WWOX: variants seen among roughly 807,000 people sequenced by gnomAD.
WWOX encodes the protein WW domain-containing oxidoreductase.
In WWOX, 69 loss-of-function variants were observed where a neutral mutation model predicts 46.2. The ratio of observed to expected loss-of-function variants is 1.49; its 90% CI spans 1.23 to 1.82. The LOEUF (loss-of-function observed/expected upper bound fraction) is 1.82, where lower values mean the gene tolerates loss of function less well. Among genes scored for constraint, WWOX ranks in the 40% most tolerant of loss-of-function variants. WWOX has a pLI of 0.00. For synonymous variants in WWOX, 359 were observed against 202.6 expected, an observed-to-expected ratio of 1.77 and a Z score of -6.56; for missense variants, 919 against 542.6, an observed-to-expected ratio of 1.69 and a Z score of -6.89.
At chr16:78,843,149 T>A (rs2052206253) in intron 8 of WWOX, among the ~76,000 whole-genome samples, 2 of 150,034 alleles carry the variant, frequency 1.3e-5, no homozygotes, top group Non-Finnish European at 3.0e-5. Flanking sequence ...CAATGGAGTG[T>A]GTTACTTTAT....
chr16:78,964,531 C>T (rs1398730168), intron 8 of WWOX, among the ~76,000 whole-genome samples: 1 of 152,120 alleles, frequency 6.6e-6, no homozygotes. Context: ...GACTTGGGTG[C>T]TGTTAAAGGC....
Position 78,710,753 on chromosome 16 carries a change from C to T in WWOX, c.1056+278001C>T, listed in dbSNP as rs185026575. Among the ~76,000 whole-genome samples, 36 of 150,894 alleles carry T rather than the reference C, an allele frequency of 2.4e-4. No homozygotes were observed. The East Asian group carries it at 5.1e-3, about 21-fold the overall frequency. The stretch of plus-strand genomic sequence containing the variant: ...TCTTAGCCTCCTGAGTGGCTGGGAC[C>T]GCAGGTTCATGCTACCGTGCCCAGC... On this transcript the variant is annotated intron_variant, in intron 8 of 8. Coordinates refer to ENST00000566780, the MANE Select transcript of WWOX (RefSeq NM_016373.4).
At chr16:78,107,307 G>A (rs2032208440) in intron 1 of WWOX, among the ~76,000 whole-genome samples, 1 of 152,152 alleles carries the variant, frequency 6.6e-6, no homozygotes, top group Admixed American at 6.5e-5. Context: ...ATTGACCTAT[G>A]TTTTTAATTA....
chr16:78,972,981 A>G (rs1282483466), intron 8 of WWOX, among the ~76,000 whole-genome samples: 3 of 152,196 alleles, frequency 2.0e-5, no homozygotes, highest in African/African-American at 7.2e-5. Flanking sequence ...TAATTGATTC[A>G]TAAGATCCCT....
intron 8 of WWOX, among the ~76,000 whole-genome samples, chr16:79,137,990 G>A (rs1483144940): frequency 2.6e-5 from 4 of 152,102 alleles, no homozygotes; most frequent in East Asian, 3.8e-4. Flanking sequence ...AGATAGACCC[G>A]TTTACATTCC....
intron 8 of WWOX, among the ~76,000 whole-genome samples, chr16:78,744,574 G>C (rs1045924482): frequency 6.6e-6 from 1 of 151,820 alleles, no homozygotes; most frequent in Admixed American, 6.6e-5. Context: ...TGGGATTACA[G>C]GCACCTGCCA....
chr16:78,762,723 C>G (rs1031855453), intron 8 of WWOX, among the ~76,000 whole-genome samples: 3 of 152,198 alleles, frequency 2.0e-5, no homozygotes, highest in South Asian at 4.1e-4. Context: ...TTTGCACTGT[C>G]TGGTTTCAAG....
At chr16:78,630,301 G>A (rs2151657759) in intron 8 of WWOX, among the ~76,000 whole-genome samples, 1 of 152,230 alleles carries the variant, frequency 6.6e-6, no homozygotes, top group Non-Finnish European at 1.5e-5. Context: ...GCTCTTGGCT[G>A]CATCTGGGAA....
chr16:78,790,291 C>A (rs1023917569), intron 8 of WWOX, among the ~76,000 whole-genome samples: 1 of 152,020 alleles, frequency 6.6e-6, no homozygotes, highest in African/African-American at 2.4e-5. Context: ...CACGCCAGCA[C>A]GCCTGACTGA....
chr16:78,608,170 GC>G (rs1866077253), intron 8 of WWOX, among the ~76,000 whole-genome samples: 1 of 152,076 alleles, frequency 6.6e-6, no homozygotes, highest in Admixed American at 6.5e-5. Flanking sequence ...ATGCCACGGG[GC>G]CCTTCCTGGT....
chr16:78,219,153 T>C (rs1347704559), intron 5 of WWOX, among the ~76,000 whole-genome samples: 2 of 151,952 alleles, frequency 1.3e-5, no homozygotes, highest in African/African-American at 4.8e-5. Flanking sequence ...TGAAGGGAGA[T>C]AGACCACAAA....
intron 8 of WWOX, among the ~76,000 whole-genome samples, chr16:78,769,388 C>G (rs1047683369): frequency 2.0e-5 from 3 of 152,098 alleles, no homozygotes; most frequent in African/African-American, 4.8e-5. Context: ...TCCTTCCTAT[C>G]CAGTGCTTGT....
intron 8 of WWOX, among the ~76,000 whole-genome samples, chr16:78,498,929 G>C (rs1184679345): frequency 6.6e-6 from 1 of 152,188 alleles, no homozygotes; most frequent in Non-Finnish European, 1.5e-5. Context: ...GGCATTGAGA[G>C]ATAAGCACAA....
intron 8 of WWOX, among the ~76,000 whole-genome samples, chr16:79,089,724 G>A (rs1420022894): frequency 3.2e-4 from 49 of 152,106 alleles, no homozygotes; most frequent in Admixed American, 3.2e-3. Flanking sequence ...TTTAAGCATG[G>A]TAAACAGATT....
intron 8 of WWOX, among the ~76,000 whole-genome samples, chr16:79,209,169 CAGCATTGTA>C (rs2150856838): frequency 6.6e-6 from 1 of 152,284 alleles, no homozygotes; most frequent in African/African-American, 2.4e-5. Flanking sequence ...GTATGGCTCT[CAGCATTGTA>C]GCCAAATGTA....
intron 8 of WWOX, among the ~76,000 whole-genome samples, chr16:78,917,239 C>T (rs1283854697): frequency 1.3e-5 from 2 of 152,212 alleles, no homozygotes; most frequent in African/African-American, 4.8e-5. Context: ...GCAGACCTCC[C>T]AAAGCTCACG....
At chr16:78,878,513 G>A (rs572016500) in intron 8 of WWOX, among the ~76,000 whole-genome samples, 1 of 152,112 alleles carries the variant, frequency 6.6e-6, no homozygotes, top group Non-Finnish European at 1.5e-5. Flanking sequence ...TAAAAGGCTT[G>A]GTTTAATCTC....
chr16:78,666,412 C>T (rs187834618), intron 8 of WWOX, among the ~76,000 whole-genome samples: 1 of 152,236 alleles, frequency 6.6e-6, no homozygotes, highest in Non-Finnish European at 1.5e-5. Context: ...CACATCAGAA[C>T]AACCCAAGCC....
chr16:78,812,702 G>C (rs902657692), intron 8 of WWOX, among the ~76,000 whole-genome samples: 9 of 151,844 alleles, frequency 5.9e-5, no homozygotes, highest in Non-Finnish European at 1.2e-4. Flanking sequence ...CTGCAGCCTG[G>C]GTGACAGAAT....
Sources: gnomAD v4.1 joint callset for allele counts (sites outside exome capture counted in the v4.1 genomes callset) on GRCh38, gnomAD v4.1.1 for gene constraint, MANE v1.5 for transcripts, NCBI Gene and HGNC (gene_info 2026-07-23, HGNC 2026-07-21) for gene names.